Variants in SIN3A observed in about 807,000 individuals in gnomAD.
The protein encoded by SIN3A is paired amphipathic helix protein Sin3a.
A neutral mutation model predicts 146.1 loss-of-function variants in SIN3A; 14 were observed. The ratio of observed to expected loss-of-function variants is 0.10; its 90% confidence interval spans 0.06 to 0.15. SIN3A has a LOEUF of 0.15. Among genes scored for constraint, SIN3A ranks in the 10% least tolerant of loss-of-function variants. The pLI, the probability that SIN3A is intolerant of heterozygous loss-of-function variation, is 1.00. For synonymous variants in SIN3A, 572 were observed against 572.0 expected, an observed-to-expected ratio of 1.00 and a Z score of 0.00; for missense variants, 1,028 against 1,576.0, an observed-to-expected ratio of 0.65 and a Z score of 5.89.
intron 16 of SIN3A, among the ~76,000 whole-genome samples, chr15:75,387,606 T>C (rs1306080491): frequency 1.3e-5 from 2 of 151,308 alleles, no homozygotes; most frequent in Non-Finnish European, 2.9e-5. Flanking sequence ...ATAGTATTTA[T>C]TACTGATTCA....
intron 1 of SIN3A, among the ~76,000 whole-genome samples, chr15:75,447,415 G>C (rs542105876): frequency 1.3e-5 from 2 of 152,328 alleles, no homozygotes; most frequent in South Asian, 2.1e-4. Context: ...AGGAGACATC[G>C]AGTGGAGACC....
intron 6 of SIN3A, among the ~76,000 whole-genome samples, chr15:75,411,271 T>C (rs557697580): frequency 6.6e-6 from 1 of 152,212 alleles, no homozygotes; most frequent in Non-Finnish European, 1.5e-5. Flanking sequence ...GAGACTGCAG[T>C]GAGCTGAGAT....
At position 75,412,820 on chromosome 15, in the gene SIN3A, C is replaced by G. The variant is rs149788185; in HGVS notation, c.699G>C (p.Gln233His). 4.1e-5 allele frequency: 66 copies of G among 1,609,072 alleles called. No individual in the cohort carries two copies. The highest frequency in any genetic ancestry group is 3.4e-6 in the Non-Finnish European group (4 of 1,176,600). Residue 233 changes from glutamine (Q) to histidine (H), a missense_variant, in exon 5 of 21, where the codon CAG becomes CAC. Physicochemically the swap from Gln to His is conservative, Grantham distance 24. This residue lies in a region of SIN3A where 112 missense variants were observed against 135.7 expected (regional missense o/e 0.83). Transcript: ENST00000394947. ...PPQHPSQPSA[Q>H]SAPAPAQPAP... ...CTGGCTGGGCAGGAGCTGGGGCTGA[C>G]TGGGCTGAAGGCTGGGAAGGATGTT...
chr15:75,415,744 G>A (rs1490275609), intron 3 of SIN3A: 36 of 162,364 alleles, frequency 2.2e-4, no homozygotes, highest in Non-Finnish European at 6.7e-5. Context: ...CCAGCTACTC[G>A]GGAGGCTGAG....
chr15:75,418,619 C>T (rs2073784738), intron 3 of SIN3A, among the ~76,000 whole-genome samples: 1 of 152,060 alleles, frequency 6.6e-6, no homozygotes. Flanking sequence ...CGCACCCGGC[C>T]AGCACCTTGA....
chr15:75,415,895 G>C (rs1307642405), intron 3 of SIN3A: 1 of 249,640 alleles, frequency 4.0e-6, no homozygotes, highest in African/African-American at 2.3e-5. Flanking sequence ...AAAGGAGAGA[G>C]AGGAGGTACC....
rs981767515 is a variant in SIN3A, at chr15:75,390,023, G to A, written c.2852-202C>T. Among the ~76,000 whole-genome samples the A allele has an allele frequency of 7.2e-5, 11 of 152,320 alleles. 1 individual carries two copies. The highest frequency in any genetic ancestry group is 2.6e-4 in the African/African-American group (11 of 41,574). On this transcript the variant is annotated intron_variant, in intron 15 of 20. Coordinates refer to ENST00000394947, the MANE Select transcript of SIN3A (RefSeq NM_001145358.2). The stretch of plus-strand genomic sequence containing the variant: ...TCACCAGCACTATCAGAGTGACTCT[G>A]CAACTTTAACAGTGGCTTCTAATAT...
chr15:75,442,284 A>G (rs1316592523), intron 1 of SIN3A, among the ~76,000 whole-genome samples: 1 of 151,644 alleles, frequency 6.6e-6, no homozygotes, highest in Non-Finnish European at 1.5e-5. Context: ...GAAAGATGAA[A>G]GAATACTATC....
chr15:75,414,723 G>A (rs1451857577), intron 3 of SIN3A, among the ~76,000 whole-genome samples: 5 of 152,150 alleles, frequency 3.3e-5, no homozygotes, highest in East Asian at 1.9e-4. Flanking sequence ...TGGGTAACCC[G>A]GTAATCACTC....
At chr15:75,373,167 G>T (rs2072785558) in intron 20 of SIN3A, among the ~76,000 whole-genome samples, 1 of 152,154 alleles carries the variant, frequency 6.6e-6, no homozygotes, top group African/African-American at 2.4e-5. Context: ...AACTGGTGTT[G>T]CCCAGTGTCC....
intron 17 of SIN3A, among the ~76,000 whole-genome samples, chr15:75,383,614 C>T (rs1364980686): frequency 5.3e-4 from 80 of 151,910 alleles, no homozygotes; most frequent in Non-Finnish European, 1.8e-4. Context: ...CTGCAAGCTC[C>T]GCCTCCCGGG....
At chr15:75,401,023 G>A in intron 10 of SIN3A, 83 bp from the exon 11 acceptor site, 1 of 941,252 alleles carries the variant, frequency 1.1e-6, no homozygotes, top group Non-Finnish European at 1.6e-6. Context: ...ATCTGGTTTT[G>A]GATCAGAAAT....
At chr15:75,387,877 C>G (rs987937411) in intron 16 of SIN3A, among the ~76,000 whole-genome samples, 1 of 152,128 alleles carries the variant, frequency 6.6e-6, no homozygotes, top group African/African-American at 2.4e-5. Context: ...ATGTATCCAT[C>G]TAATGATTTC....
chr15:75,437,050 G>A (rs984252837), intron 1 of SIN3A, among the ~76,000 whole-genome samples: 5 of 152,188 alleles, frequency 3.3e-5, no homozygotes, highest in South Asian at 2.1e-4. Context: ...GGCCCTGTGC[G>A]GAGGGTTAGA....
intron 18 of SIN3A, 54 bp downstream of exon 18, chr15:75,381,559 C>A: frequency 7.1e-7 from 1 of 1,402,076 alleles, no homozygotes; most frequent in South Asian, 1.2e-5. Context: ...GACAGACTCT[C>A]AAGGCACGCC....
intron 1 of SIN3A, among the ~76,000 whole-genome samples, chr15:75,445,883 T>C (rs1389047787): frequency 6.6e-6 from 1 of 152,106 alleles, no homozygotes; most frequent in African/African-American, 2.4e-5. Context: ...TTTATCACAT[T>C]AGCTCTTCTG....
intron 3 of SIN3A, chr15:75,422,446 T>C (rs2073855213): frequency 1.6e-6 from 1 of 642,584 alleles, no homozygotes; most frequent in East Asian, 2.7e-5. Flanking sequence ...CCACAAACAT[T>C]TGAGTATATT....
At position 75,410,291 on chromosome 15, in the gene SIN3A, G is replaced by A. The variant is rs1193223694; in HGVS notation, c.1009-5C>T. ...CTTGGCATTTCTCTGCTCTTTCTGAGGAATTGCAAATGAAAAGAGATCATT... is the reference window on the plus strand; with the variant it reads ...CTTGGCATTTCTCTGCTCTTTCTGAAGAATTGCAAATGAAAAGAGATCATT... On this transcript the variant is annotated splice_region_variant and splice_polypyrimidine_tract_variant and intron_variant, in intron 6 of 20. Transcript: ENST00000394947. 1.2e-6 allele frequency: 2 copies of A among 1,609,656 alleles called. No individual in the cohort carries two copies. The highest frequency in any genetic ancestry group is 2.2e-5 in the East Asian group (1 of 44,860).
chr15:75,376,066 C>T (rs1490916335), intron 19 of SIN3A, 194 bp from the exon 20 acceptor site: 11 of 609,814 alleles, frequency 1.8e-5, no homozygotes, highest in Non-Finnish European at 1.4e-5. Flanking sequence ...AAGCAGAAAT[C>T]TTCACCCATC....
Sources: gnomAD v4.1 joint callset for allele counts (sites outside exome capture counted in the v4.1 genomes callset) on GRCh38, gnomAD v4.1.1 for gene constraint, gnomAD v4.1.1 regional missense constraint, MANE v1.5 for transcripts, NCBI Gene and HGNC (gene_info 2026-07-23, HGNC 2026-07-21) for gene names.